The following LRP1B variants were observed in gnomAD, a reference collection of about 807,000 sequenced individuals.
The protein encoded by LRP1B is LDL receptor related protein 1B.
LRP1B carries 217 observed loss-of-function variants against 556.6 expected under a neutral mutation model. The ratio of observed to expected loss-of-function variants is 0.39; its 90% CI spans 0.35 to 0.44. LRP1B has a LOEUF of 0.44. Ranked by LOEUF, LRP1B falls within the 20% of genes least tolerant of loss-of-function variation. The pLI is 1.00. For missense variants in LRP1B, 5,053 were observed against 5,620.8 expected, an observed-to-expected ratio of 0.90 and a Z score of 3.23; for synonymous variants, 2,047 against 1,865.8, an observed-to-expected ratio of 1.10 and a Z score of -2.50.
intron 7 of LRP1B, among the ~76,000 whole-genome samples, chr2:141,165,446 TC>T (rs1277973967): frequency 1.3e-5 from 2 of 152,018 alleles, no homozygotes; most frequent in African/African-American, 4.8e-5. Flanking sequence ...AGGTTACCAA[TC>T]CCCATGGCAT....
At chr2:141,925,812 G>T (rs1430844921) in intron 1 of LRP1B, among the ~76,000 whole-genome samples, 2 of 152,162 alleles carry the variant, frequency 1.3e-5, no homozygotes, top group Non-Finnish European at 2.9e-5. Context: ...GCAAAGCCTA[G>T]CAGAAAGACT....
chr2:140,276,889 A>T lies in LRP1B; in HGVS notation c.12968-2291T>A, dbSNP rs116932623. 4.2e-4 allele frequency among the ~76,000 whole-genome samples: 64 copies of T among 152,058 alleles called. No individual in the cohort carries two copies. In the East Asian group the frequency reaches 0.011, roughly 26 times the overall value. On this transcript the variant is annotated intron_variant, in intron 84 of 90. Coordinates refer to ENST00000389484, the MANE Select transcript of LRP1B (RefSeq NM_018557.3). ...TCCTAGATTATAATTCATAGGTCTG[A>T]AATGGGGCCCAGGTAGTTCCCATGG...
intron 83 of LRP1B, among the ~76,000 whole-genome samples, chr2:140,308,940 G>A (rs1684179810): frequency 6.6e-6 from 1 of 151,690 alleles, no homozygotes; most frequent in Admixed American, 6.6e-5. Context: ...GTTAGTTACA[G>A]GATTGCAATA....
intron 2 of LRP1B, among the ~76,000 whole-genome samples, chr2:141,577,388 G>A (rs558960037): frequency 8.5e-5 from 13 of 152,226 alleles, no homozygotes; most frequent in East Asian, 7.7e-4. Context: ...ACTCTTCTTC[G>A]TTTAGCCCAG....
At chr2:141,995,788 ATTGT>A (rs1360492400) in intron 1 of LRP1B, among the ~76,000 whole-genome samples, 1 of 152,196 alleles carries the variant, frequency 6.6e-6, no homozygotes, top group Non-Finnish European at 1.5e-5. Flanking sequence ...AAATGTTAGA[ATTGT>A]TTAAGACTTT....
intron 7 of LRP1B, among the ~76,000 whole-genome samples, chr2:141,182,507 A>G (rs918532181): frequency 6.6e-6 from 1 of 151,992 alleles, no homozygotes; most frequent in Non-Finnish European, 1.5e-5. Flanking sequence ...TGATAAACCA[A>G]AATACACTTT....
chr2:142,091,270 A>G (rs1210759550), intron 1 of LRP1B, among the ~76,000 whole-genome samples: 1 of 152,176 alleles, frequency 6.6e-6, no homozygotes, highest in East Asian at 1.9e-4. Flanking sequence ...AAGTGTTTAA[A>G]GAAAACAATG....
intron 3 of LRP1B, among the ~76,000 whole-genome samples, chr2:141,285,622 A>AT (rs1277440493): frequency 6.8e-6 from 1 of 146,290 alleles, no homozygotes; most frequent in Non-Finnish European, 1.5e-5. Context: ...AGGCCGGCTG[A>AT]TTTTTTTATT....
chr2:140,832,344 A>T (rs1216430886), intron 31 of LRP1B, among the ~76,000 whole-genome samples: 1 of 152,196 alleles, frequency 6.6e-6, no homozygotes, highest in Non-Finnish European at 1.5e-5. Flanking sequence ...TATGGAAAAC[A>T]GTATGAAGAT....
rs190288906 is a variant in LRP1B at position 140,441,696 on chromosome 2, G to T, written c.10414+808C>A. 3.2e-3 allele frequency among the ~76,000 whole-genome samples: 488 copies of T among 152,258 alleles called. 1 individual carries two copies. The highest frequency in any genetic ancestry group is 5.0e-3 in the Non-Finnish European group (341 of 68,012). On this transcript the variant is annotated intron_variant, in intron 66 of 90. Coordinates refer to ENST00000389484, the MANE Select transcript of LRP1B (RefSeq NM_018557.3). ...CATTTAACACACTTCTGTGAAGTCT[G>T]GGAGTCCTATCCAGTTTGGACAAAC...
intron 2 of LRP1B, among the ~76,000 whole-genome samples, chr2:141,661,583 G>A (rs1180867731): frequency 6.6e-6 from 1 of 152,192 alleles, no homozygotes; most frequent in Non-Finnish European, 1.5e-5. Flanking sequence ...GAATTTCAGA[G>A]CTTGAAGATT....
intron 2 of LRP1B, among the ~76,000 whole-genome samples, chr2:141,742,260 T>C (rs1163908764): frequency 2.0e-5 from 3 of 151,316 alleles, no homozygotes; most frequent in African/African-American, 2.4e-5. Flanking sequence ...TCTTTCTTTT[T>C]TTTTTTTTTG....
At position 140,326,751 on chromosome 2, in the gene LRP1B, T is replaced by C. The variant is rs1440825865; in HGVS notation, c.12224-873A>G. On this transcript the variant is annotated intron_variant, in intron 79 of 90. Coordinates refer to ENST00000389484, the MANE Select transcript of LRP1B (RefSeq NM_018557.3). ...AAGAATAAACAGTAAAGTTCTCGAT[T>C]AAGGTTCTAGTGATATTTAATTTTC... Among the ~76,000 whole-genome samples, 4 of 152,058 alleles carry C rather than the reference T, an allele frequency of 2.6e-5. No homozygotes were observed. In the East Asian group the frequency reaches 7.7e-4, roughly 29 times the overall value.
chr2:141,779,340 T>G (rs1002510356), intron 2 of LRP1B, among the ~76,000 whole-genome samples: 3 of 151,916 alleles, frequency 2.0e-5, no homozygotes, highest in African/African-American at 4.8e-5. Flanking sequence ...ATGATTTCCC[T>G]CTAGAAAGAC....
Position 140,503,075 on chromosome 2 carries a change from A to C in LRP1B, c.8550T>G (p.Phe2850Leu), listed in dbSNP as rs775075632. The part of the protein sequence containing the change: ...CGYRQCGTEE[F>L]SCADGRCLLN... The stretch of plus-strand genomic sequence containing the variant: ...GAAGACACCGCCCATCAGCACAACT[A>C]AATTCTTCTGTACCACACTGTCGAT... The change falls in exon 54 of 91, where the codon TTT becomes TTG. Residue 2850 changes from phenylalanine to leucine, a missense_variant. Around this residue, in one of 5 missense-constraint regions of LRP1B, gnomAD observed 3,619 missense variants for 3,931.9 expected, o/e 0.92. Coordinates refer to ENST00000389484, the MANE Select transcript of LRP1B (RefSeq NM_018557.3). 23 of 1,613,174 alleles carry C rather than the reference A, an allele frequency of 1.4e-5. No individual in the cohort carries two copies. Among genetic ancestry groups the C allele is most frequent in the Admixed American group, 3.3e-5 (2 of 59,942 alleles).
rs537959588 is a variant in LRP1B, at chr2:141,549,160, A to C, written c.206-68627T>G. Among the ~76,000 whole-genome samples the C allele has an allele frequency of 2.0e-4, 31 of 152,314 alleles. 1 individual carries two copies. The South Asian group carries it at 4.8e-3, about 23-fold the overall frequency. On this transcript the variant is annotated intron_variant, in intron 2 of 90. Coordinates refer to ENST00000389484, the MANE Select transcript of LRP1B (RefSeq NM_018557.3). ...CACAAATTTTGGAGTTAGACAACAA[A>C]GTTTCAATCTTAATTCTATGAATTG...
intron 3 of LRP1B, among the ~76,000 whole-genome samples, chr2:141,376,064 G>A (rs1386853367): frequency 1.3e-5 from 2 of 152,166 alleles, no homozygotes; most frequent in Admixed American, 1.3e-4. Flanking sequence ...GATTGCAGAG[G>A]AGTGCCATGT....
Position 140,274,474 on chromosome 2 carries a change from G to A in LRP1B, c.13092C>T (p.Cys4364=), listed in dbSNP as rs2104952000. 6.2e-7 allele frequency: 1 copy of A among 1,612,568 alleles called. No homozygotes were observed. The highest frequency in any genetic ancestry group is 8.5e-7 in the Non-Finnish European group (1 of 1,179,098). Residue 4364 remains cysteine (C), a synonymous_variant, in exon 85 of 91, where the codon TGC becomes TGT. Coordinates refer to ENST00000389484, the MANE Select transcript of LRP1B (RefSeq NM_018557.3). ...PKCEVDKCVR[C]HGGHCIINKD... is the part of the protein sequence containing the mutation. ...TATTTATAATGCAGTGCCCCCCATG[G>A]CACCTTACACACTTGTCAACCTCAC...
chr2:141,712,901 A>G (rs62166541), intron 2 of LRP1B, among the ~76,000 whole-genome samples: 27,789 of 141,930 alleles, frequency 0.2, 2,859 homozygotes, highest in South Asian at 0.28. Flanking sequence ...GCTGGTCTCT[A>G]ACTCCTGACC....
Sources: gnomAD v4.1 joint callset for allele counts (sites outside exome capture counted in the v4.1 genomes callset) on GRCh38, gnomAD v4.1.1 for gene constraint, gnomAD v4.1.1 regional missense constraint, MANE v1.5 for transcripts, NCBI Gene and HGNC (gene_info 2026-07-23, HGNC 2026-07-21) for gene names.